Variants in PHF14 observed in about 807,000 individuals in gnomAD.
PHF14 encodes the protein PHD finger protein 14.
A neutral mutation model predicts 117.9 loss-of-function variants in PHF14; 55 were observed. The observed-to-expected ratio is 0.47, with a 90% confidence interval of 0.38 to 0.58. The LOEUF (loss-of-function observed/expected upper bound fraction) is 0.58, where lower values mean the gene tolerates loss of function less well. Among genes scored for constraint, PHF14 ranks in the 20% least tolerant of loss-of-function variants. PHF14 has a pLI of 0.00. For missense variants in PHF14, 978 were observed against 1,122.2 expected (o/e 0.87, Z 1.84); for synonymous variants, 409 against 368.6 (o/e 1.11, Z -1.26).
At chr7:11,106,200 C>A in intron 16 of PHF14, 1 of 980,090 alleles carries the variant, frequency 1.0e-6, no homozygotes, top group Non-Finnish European at 1.2e-6. Flanking sequence ...CTGAATTGAT[C>A]CCACTCTTTA....
chr7:10,979,016 G>C (rs1237330214), intron 2 of PHF14, among the ~76,000 whole-genome samples: 1 of 152,096 alleles, frequency 6.6e-6, no homozygotes, highest in Admixed American at 6.6e-5. Flanking sequence ...TATATTTATA[G>C]TACTAACACT....
At chr7:11,068,742 G>A (rs567912859) in intron 16 of PHF14, among the ~76,000 whole-genome samples, 38 of 152,214 alleles carry the variant, frequency 2.5e-4, no homozygotes, top group Admixed American at 4.6e-4. Context: ...AAGTCTACAG[G>A]GATTATAATA....
intron 10 of PHF14, among the ~76,000 whole-genome samples, chr7:11,038,196 G>A (rs962100761): frequency 3.9e-5 from 6 of 151,988 alleles, no homozygotes; most frequent in African/African-American, 1.4e-4. Flanking sequence ...GGTGGATCAC[G>A]AGGTCAAGAG....
intron 4 of PHF14, among the ~76,000 whole-genome samples, chr7:11,008,634 A>C (rs1783216785): frequency 6.6e-6 from 1 of 152,212 alleles, no homozygotes; most frequent in Non-Finnish European, 1.5e-5. Context: ...CCACGAAACC[A>C]GCCCCTGGTG....
chr7:11,099,694 C>G (rs1430661729), intron 16 of PHF14, among the ~76,000 whole-genome samples: 1 of 152,022 alleles, frequency 6.6e-6, no homozygotes, highest in Non-Finnish European at 1.5e-5. Context: ...GATGAATGAC[C>G]TTGAATCAAG....
chr7:11,083,853 G>A (rs777719702), intron 16 of PHF14, among the ~76,000 whole-genome samples: 5 of 152,148 alleles, frequency 3.3e-5, no homozygotes, highest in Non-Finnish European at 5.9e-5. Flanking sequence ...AGTAAAACCA[G>A]TGGGGCTGTA....
Position 11,156,569 on chromosome 7 carries a change from G to A in PHF14, c.2773-12847G>A, listed in dbSNP as rs151103124. ...CAGCACTGTGGGAGGCCGAGGCGGC[G>A]GATCACCTAAGGTCGGGAGTTCGAG... On this transcript the variant is annotated intron_variant, in intron 17 of 17. Transcript: ENST00000634607. 5.7e-3 allele frequency among the ~76,000 whole-genome samples: 875 copies of A among 152,180 alleles called. 9 individuals are homozygous for A. Among genetic ancestry groups the A allele is most frequent in the African/African-American group, 0.02 (845 of 41,514 alleles).
At chr7:10,994,407 C>G (rs1782561294) in intron 4 of PHF14, among the ~76,000 whole-genome samples, 1 of 152,148 alleles carries the variant, frequency 6.6e-6, no homozygotes, top group African/African-American at 2.4e-5. Context: ...CCACTGCACT[C>G]CAGTCTGGGC....
intron 16 of PHF14, chr7:11,106,830 A>C: frequency 1.0e-6 from 1 of 984,588 alleles, no homozygotes; most frequent in Non-Finnish European, 1.2e-6. Flanking sequence ...GTTTTTTTTA[A>C]GTGGACAGAC....
At chr7:11,011,569 T>C (rs1783359739) in intron 4 of PHF14, among the ~76,000 whole-genome samples, 1 of 152,208 alleles carries the variant, frequency 6.6e-6, no homozygotes, top group South Asian at 2.1e-4. Flanking sequence ...GATGTTGGGA[T>C]GGTTGCTATT....
intron 17 of PHF14, among the ~76,000 whole-genome samples, chr7:11,141,251 G>A (rs1213279126): frequency 2.6e-5 from 4 of 152,036 alleles, no homozygotes; most frequent in Non-Finnish European, 5.9e-5. Flanking sequence ...AATTCTTTTA[G>A]ATCTTGTTTC....
At chr7:11,005,217 T>G (rs1329399384) in intron 4 of PHF14, among the ~76,000 whole-genome samples, 1 of 152,200 alleles carries the variant, frequency 6.6e-6, no homozygotes, top group Non-Finnish European at 1.5e-5. Flanking sequence ...CTTGTCAAAG[T>G]CACTGATTAC....
At chr7:11,061,934 T>C (rs551917413) in intron 15 of PHF14, 30 bp from the exon 16 acceptor site, 42 of 1,552,626 alleles carry the variant, frequency 2.7e-5, no homozygotes, top group African/African-American at 1.2e-4. Context: ...TTGTTTGTTA[T>C]GTTTTATTTT....
intron 17 of PHF14, among the ~76,000 whole-genome samples, chr7:11,156,336 G>GA (rs1266725513): frequency 6.6e-6 from 1 of 152,092 alleles, no homozygotes; most frequent in African/African-American, 2.4e-5. Flanking sequence ...TTTAACCCAT[G>GA]AAAAATTAAT....
intron 7 of PHF14, 29 bp from the exon 8 acceptor site, chr7:11,035,611 C>G: frequency 2.0e-6 from 3 of 1,487,522 alleles, no homozygotes; most frequent in Non-Finnish European, 2.7e-6. Flanking sequence ...TACAAATGTT[C>G]ACTATTTTTC....
At chr7:11,110,791 A>C (rs1787417784) in intron 16 of PHF14, among the ~76,000 whole-genome samples, 1 of 152,038 alleles carries the variant, frequency 6.6e-6, no homozygotes, top group Admixed American at 6.6e-5. Context: ...TTAGCATGCT[A>C]TAAATGTTAG....
At chr7:11,136,830 CT>C (rs1156593599) in intron 17 of PHF14, among the ~76,000 whole-genome samples, 1 of 151,976 alleles carries the variant, frequency 6.6e-6, no homozygotes, top group East Asian at 1.9e-4. Context: ...CATTTGTGGT[CT>C]AATTATGATG....
chr7:10,992,004 A>T (rs1640704), intron 4 of PHF14, among the ~76,000 whole-genome samples: 4 of 151,324 alleles, frequency 2.6e-5, no homozygotes, highest in Non-Finnish European at 5.9e-5. Flanking sequence ...CTGATAGAAA[A>T]CATTCTTAAA....
At position 11,089,859 on chromosome 7, in the gene PHF14, C is replaced by T. The variant is rs544918208; in HGVS notation, c.2655-21491C>T. Among the ~76,000 whole-genome samples, 21 of 149,842 alleles carry T rather than the reference C, an allele frequency of 1.4e-4. No individual in the cohort carries two copies. In the South Asian group the frequency reaches 3.8e-3, roughly 27 times the overall value. Reference sequence around the variant, plus strand: ...GATCTTGGCTCACCACAAACTCCACCTCCTGGCTTCAAGCGATTCTCCTGC... The same window carrying T: ...GATCTTGGCTCACCACAAACTCCACTTCCTGGCTTCAAGCGATTCTCCTGC... On this transcript the variant is annotated intron_variant, in intron 16 of 17. Coordinates refer to ENST00000634607, the MANE Select transcript of PHF14 (RefSeq NM_001007157.2).
Sources: gnomAD v4.1 joint callset for allele counts (sites outside exome capture counted in the v4.1 genomes callset) on GRCh38, gnomAD v4.1.1 for gene constraint, MANE v1.5 for transcripts, NCBI Gene and HGNC (gene_info 2026-07-23, HGNC 2026-07-21) for gene names.